PTPRN2: variants seen among roughly 807,000 people sequenced by gnomAD.
PTPRN2 encodes receptor-type tyrosine-protein phosphatase N2.
Under a neutral mutation model 118.8 loss-of-function variants are expected in PTPRN2, and 74 were observed. The observed-to-expected ratio is 0.62, with a 90% confidence interval of 0.52 to 0.76. The LOEUF (loss-of-function observed/expected upper bound fraction) is 0.76. PTPRN2 is among the 30% of genes least tolerant of loss of function. PTPRN2 has a pLI of 0.00. For missense variants in PTPRN2, 1,481 were observed against 1,394.4 expected, an observed-to-expected ratio of 1.06 and a Z score of -0.99; for synonymous variants, 641 against 608.0, an observed-to-expected ratio of 1.05 and a Z score of -0.80.
chr7:158,420,856 C>T (rs77675530), intron 2 of PTPRN2, among the ~76,000 whole-genome samples: 4,716 of 152,262 alleles, frequency 0.031, 100 homozygotes, highest in Middle Eastern at 0.082. Context: ...CAGTTTCCTC[C>T]GCGTCCCTGT....
chr7:157,555,030 G>A (rs950406386), intron 21 of PTPRN2, among the ~76,000 whole-genome samples: 1 of 148,828 alleles, frequency 6.7e-6, no homozygotes, highest in African/African-American at 2.6e-5. Context: ...AGTTTGGGTT[G>A]GGCTGCACCC....
intron 11 of PTPRN2, among the ~76,000 whole-genome samples, chr7:158,002,940 G>A (rs1436147658): frequency 2.0e-5 from 3 of 152,156 alleles, no homozygotes; most frequent in African/African-American, 7.2e-5. Flanking sequence ...GGTCCTGGCC[G>A]GGGTTTGGCA....
At chr7:157,651,121 C>T (rs532050632) in intron 14 of PTPRN2, among the ~76,000 whole-genome samples, 22 of 152,360 alleles carry the variant, frequency 1.4e-4, no homozygotes, top group African/African-American at 4.8e-4. Flanking sequence ...GAAGGTGCGG[C>T]GCGACTCCAC....
At chr7:158,175,448 C>T (rs974750125) in intron 5 of PTPRN2, among the ~76,000 whole-genome samples, 2 of 152,124 alleles carry the variant, frequency 1.3e-5, no homozygotes, top group Non-Finnish European at 2.9e-5. Flanking sequence ...TTTTCTCTGT[C>T]TCTCTCTGTG....
rs765525898 is a variant in PTPRN2, at chr7:158,563,579, C to A, written c.112+23979G>T. Among the ~76,000 whole-genome samples the A allele has an allele frequency of 1.4e-4, 22 of 152,230 alleles. No individual in the cohort carries two copies. Among genetic ancestry groups the A allele is most frequent in the Non-Finnish European group, 2.9e-4 (20 of 68,040 alleles). On this transcript the variant is annotated intron_variant, in intron 1 of 22. Coordinates refer to ENST00000389418, the MANE Select transcript of PTPRN2 (RefSeq NM_002847.5). The surrounding 1 kb of genome is among the most constrained non-coding windows in gnomAD (Gnocchi z 5.1). ...AGCATTCAGATGCTCCCAGCCCACC[C>A]CGATGGGAGTGTTGGATGAAGAATC...
At chr7:158,541,715 A>C in intron 1 of PTPRN2, 1 of 1,239,590 alleles carries the variant, frequency 8.1e-7, no homozygotes. Context: ...AGAAAATTAA[A>C]ACACTTGCTT....
At chr7:157,951,508 A>T (rs949124294) in intron 11 of PTPRN2, among the ~76,000 whole-genome samples, 1 of 152,172 alleles carries the variant, frequency 6.6e-6, no homozygotes, top group Non-Finnish European at 1.5e-5. Flanking sequence ...TGTCAACAGG[A>T]GGGTCCCATG....
At chr7:157,572,479 CG>C (rs1372520068) in intron 19 of PTPRN2, among the ~76,000 whole-genome samples, 3 of 152,218 alleles carry the variant, frequency 2.0e-5, no homozygotes, top group Admixed American at 6.5e-5. Context: ...TTCCATCAAC[CG>C]GTGCTTTGCT....
Position 157,927,427 on chromosome 7 carries a change from A to G in PTPRN2, c.1724-28690T>C, listed in dbSNP as rs111236889. On this transcript the variant is annotated intron_variant, in intron 11 of 22. Coordinates refer to ENST00000389418, the MANE Select transcript of PTPRN2 (RefSeq NM_002847.5). ...ACCCGTCTGAGAGCAGAGGCCTCACATCTTCTGGGACCCCAAGACAGGAAG... is the reference window on the plus strand; with the variant it reads ...ACCCGTCTGAGAGCAGAGGCCTCACGTCTTCTGGGACCCCAAGACAGGAAG... Among the ~76,000 whole-genome samples the G allele has an allele frequency of 9.8e-3, 520 of 53,144 alleles. 2 individuals are homozygous for G. Among genetic ancestry groups the G allele is most frequent in the African/African-American group, 0.017 (128 of 7,620 alleles). 34.9% of individuals were successfully genotyped at this position (53,144 alleles called of 152,430 possible).
At chr7:157,876,222 G>A (rs1409769107) in intron 12 of PTPRN2, among the ~76,000 whole-genome samples, 1 of 152,168 alleles carries the variant, frequency 6.6e-6, no homozygotes, top group African/African-American at 2.4e-5. Flanking sequence ...TTTTTGTGTT[G>A]GTCTCCTGTT....
chr7:158,274,508 A>AGGCACAGGGGCAGCCG, intron 3 of PTPRN2, among the ~76,000 whole-genome samples: 1 of 136,264 alleles, frequency 7.3e-6, no homozygotes, highest in South Asian at 2.5e-4. Context: ...AGGGGGAGCC[A>AGGCACAGGGGCAGCCG]CAGGCACGGG....
intron 13 of PTPRN2, among the ~76,000 whole-genome samples, chr7:157,669,296 C>T (rs1796289310): frequency 6.6e-6 from 1 of 152,262 alleles, no homozygotes; most frequent in East Asian, 1.9e-4. Flanking sequence ...CGGGGACGTC[C>T]TCGGCTCATG....
intron 3 of PTPRN2, among the ~76,000 whole-genome samples, chr7:158,270,871 C>T (rs1798372352): frequency 1.3e-5 from 1 of 78,696 alleles, no homozygotes; most frequent in Non-Finnish European, 2.4e-5. Flanking sequence ...CCTGGACCGC[C>T]CCCTCCACCT....
At chr7:158,519,539 T>A (rs1823830144) in intron 1 of PTPRN2, among the ~76,000 whole-genome samples, 1 of 152,140 alleles carries the variant, frequency 6.6e-6, no homozygotes, top group South Asian at 2.1e-4. Flanking sequence ...GGTGATGGAA[T>A]GGGCTGGCAT....
chr7:158,213,291 T>C (rs1827741086), intron 3 of PTPRN2, among the ~76,000 whole-genome samples: 1 of 151,790 alleles, frequency 6.6e-6, no homozygotes, highest in South Asian at 2.1e-4. Flanking sequence ...CCACATATTC[T>C]GGATGGAATT....
At chr7:158,379,323 C>T (rs572157405) in intron 2 of PTPRN2, among the ~76,000 whole-genome samples, 49 of 152,190 alleles carry the variant, frequency 3.2e-4, no homozygotes, top group African/African-American at 1.1e-3. Context: ...GCAGCAGTGG[C>T]AGCCAAGACC....
At chr7:158,332,403 A>T (rs1804666322) in intron 2 of PTPRN2, among the ~76,000 whole-genome samples, 1 of 129,358 alleles carries the variant, frequency 7.7e-6, no homozygotes. Context: ...ACTCACACCC[A>T]TACTCTCAAC....
chr7:158,405,536 C>G (rs2151418837), intron 2 of PTPRN2, among the ~76,000 whole-genome samples: 1 of 152,370 alleles, frequency 6.6e-6, no homozygotes, highest in Admixed American at 6.5e-5. Context: ...GAACAACAAA[C>G]AAAGCCTCCG....
At chr7:158,205,535 T>A (rs527989556) in intron 3 of PTPRN2, among the ~76,000 whole-genome samples, 1 of 152,278 alleles carries the variant, frequency 6.6e-6, no homozygotes, top group East Asian at 1.9e-4. Context: ...GCTGGCCAAA[T>A]AGAAGCCTCT....
Sources: allele counts gnomAD v4.1 joint callset (sites outside exome capture counted in the v4.1 genomes callset), GRCh38; gene constraint gnomAD v4.1.1; non-coding constraint Gnocchi (gnomAD v3.1); transcripts MANE v1.5; gene names NCBI Gene and HGNC (gene_info 2026-07-23, HGNC 2026-07-21).